Variants in PRDM6 observed in about 807,000 individuals in gnomAD.
PRDM6 encodes PR/SET domain 6.
In PRDM6, 25 loss-of-function variants were observed where a neutral mutation model predicts 60.8. The ratio of observed to expected loss-of-function variants is 0.41; its 90% CI spans 0.30 to 0.57. The LOEUF (loss-of-function observed/expected upper bound fraction) is 0.57. PRDM6 is among the 20% of genes least tolerant of loss of function. The probability of loss-of-function intolerance (pLI) is 0.27; values close to 1 mark genes in which losing one functional copy is unlikely to be tolerated. For synonymous variants in PRDM6, 407 were observed against 357.4 expected (o/e 1.14, Z -1.57); for missense variants, 839 against 821.3 (o/e 1.02, Z -0.26).
At chr5:123,134,747 CAG>C (rs1167586138) in intron 3 of PRDM6, among the ~76,000 whole-genome samples, 2 of 152,134 alleles carry the variant, frequency 1.3e-5, no homozygotes, top group African/African-American at 2.4e-5. Context: ...TTCTGCTAAA[CAG>C]TGTGTGGTTT....
At chr5:123,154,996 A>C (rs1765460002) in intron 3 of PRDM6, among the ~76,000 whole-genome samples, 1 of 152,116 alleles carries the variant, frequency 6.6e-6, no homozygotes, top group Non-Finnish European at 1.5e-5. Flanking sequence ...AAGTGCCCTG[A>C]ATCTGAAGTC....
chr5:123,150,412 G>A (rs529577096), intron 3 of PRDM6, among the ~76,000 whole-genome samples: 45 of 152,104 alleles, frequency 3.0e-4, no homozygotes, highest in Non-Finnish European at 4.0e-4. Context: ...AACAACCACC[G>A]TTCACCTTTT....
At chr5:123,178,412 T>A (rs1039412336) in intron 6 of PRDM6, among the ~76,000 whole-genome samples, 22 of 152,230 alleles carry the variant, frequency 1.4e-4, no homozygotes, top group Admixed American at 1.2e-3. Flanking sequence ...GAATTATTTT[T>A]TCAGGAACCC....
intron 2 of PRDM6, among the ~76,000 whole-genome samples, chr5:123,097,665 AGTGT>A (rs1190374208): frequency 6.6e-6 from 1 of 152,088 alleles, no homozygotes; most frequent in Non-Finnish European, 1.5e-5. Context: ...GGGTGTGTGA[AGTGT>A]GTGTGTTTCA....
At chr5:123,179,315 G>A (rs1766088348) in intron 6 of PRDM6, among the ~76,000 whole-genome samples, 1 of 152,192 alleles carries the variant, frequency 6.6e-6, no homozygotes, top group Non-Finnish European at 1.5e-5. Flanking sequence ...CAAGCACAAT[G>A]ACATCCTATC....
chr5:123,181,636 G>A (rs539599146), intron 7 of PRDM6, among the ~76,000 whole-genome samples: 4 of 152,222 alleles, frequency 2.6e-5, no homozygotes, highest in South Asian at 2.1e-4. Flanking sequence ...TAGAGTTACC[G>A]CCTTATGTAC....
At chr5:123,112,398 A>T (rs1302493993) in intron 3 of PRDM6, among the ~76,000 whole-genome samples, 1 of 152,126 alleles carries the variant, frequency 6.6e-6, no homozygotes, top group Non-Finnish European at 1.5e-5. Flanking sequence ...GCAGTCTGTT[A>T]ATTTTCCATA....
At position 123,188,446 on chromosome 5, in the gene PRDM6, C is replaced by G. The variant is rs961438690; in HGVS notation, c.*1245C>G. On this transcript the variant is annotated 3_prime_UTR_variant, in exon 8 of 8. Transcript: ENST00000407847. Reference sequence around the variant, plus strand: ...AGAATGTGAGTTTAATTTCAGCTAGCCTGTTGGTGGTTCAACAGTGGTGCT... The same window carrying G: ...AGAATGTGAGTTTAATTTCAGCTAGGCTGTTGGTGGTTCAACAGTGGTGCT... 6.6e-6 allele frequency: 1 copy of G among 152,208 alleles called. No individual in the cohort carries two copies. Among genetic ancestry groups the G allele is most frequent in the Non-Finnish European group, 1.5e-5 (1 of 68,036 alleles). 9.4% of individuals were successfully genotyped at this position (152,208 alleles called of 1,614,324 possible). A position where few individuals can be genotyped will look rare whatever the true frequency, so the allele number is the denominator to read the frequency against.
intron 2 of PRDM6, among the ~76,000 whole-genome samples, chr5:123,091,174 A>G (rs1296703394): frequency 6.6e-6 from 1 of 152,106 alleles, no homozygotes; most frequent in Non-Finnish European, 1.5e-5. Flanking sequence ...GGAATTTTAG[A>G]TGAAACTGAG....
At chr5:123,106,465 AG>A (rs1764199615) in intron 3 of PRDM6, among the ~76,000 whole-genome samples, 1 of 152,168 alleles carries the variant, frequency 6.6e-6, no homozygotes. Flanking sequence ...AGAGAGAGAG[AG>A]GAAAACTGTT....
At chr5:123,111,593 G>A (rs1256321435) in intron 3 of PRDM6, among the ~76,000 whole-genome samples, 1 of 152,078 alleles carries the variant, frequency 6.6e-6, no homozygotes, top group Non-Finnish European at 1.5e-5. Context: ...AGCTACTCGG[G>A]AGCCTGAGGC....
In PRDM6 at chr5:123,187,309, A is replaced by G; in HGVS notation, c.*108A>G. 1.3e-6 allele frequency: 1 copy of G among 761,478 alleles called. No individual in the cohort carries two copies. 47.2% of individuals were successfully genotyped at this position (761,478 alleles called of 1,614,324 possible). A position where few individuals can be genotyped will look rare whatever the true frequency, so the allele number is the denominator to read the frequency against. On this transcript the variant is annotated 3_prime_UTR_variant, in exon 8 of 8. Transcript: ENST00000407847. Reference sequence around the variant, plus strand: ...TGAGCAACTTTCAATCAGTCCCAGAAAACCAAAAGCAGTAATAAAATAAGT... The same window carrying G: ...TGAGCAACTTTCAATCAGTCCCAGAGAACCAAAAGCAGTAATAAAATAAGT...
At chr5:123,122,052 A>G (rs1764593167) in intron 3 of PRDM6, among the ~76,000 whole-genome samples, 1 of 150,054 alleles carries the variant, frequency 6.7e-6, no homozygotes, top group Non-Finnish European at 1.5e-5. Context: ...AATCCCAGCT[A>G]CTAGGGAGGC....
At position 123,090,349 on chromosome 5, in the gene PRDM6, C is replaced by A. The variant is rs1181326639; in HGVS notation, c.335C>A (p.Pro112Gln). The part of the protein sequence containing the change: ...AAALAGLSAL[P>Q]VSQLPVFAPL... ...GCGCTGGCTGGTCTCTCGGCCCTGC[C>A]GGTGTCGCAGCTGCCGGTGTTCGCG... Residue 112 changes from proline to glutamine, a missense_variant, in exon 2 of 8, where the codon CCG becomes CAG. Coordinates refer to ENST00000407847, the MANE Select transcript of PRDM6 (RefSeq NM_001136239.4). 8.8e-6 allele frequency: 13 copies of A among 1,474,416 alleles called. No homozygotes were observed. The highest frequency in any genetic ancestry group is 9.8e-6 in the Non-Finnish European group (11 of 1,117,486). The allele number at this position is 1,474,416 out of a possible 1,614,324, so 91.3% of individuals were successfully genotyped here.
intron 4 of PRDM6, 66 bp from the exon 5 acceptor site, chr5:123,159,448 A>G (rs897995330): frequency 7.3e-6 from 11 of 1,513,070 alleles, no homozygotes; most frequent in East Asian, 4.9e-5. Flanking sequence ...CAGGGCAATA[A>G]AAATATGGAT....
At chr5:123,158,092 G>A (rs749891040) in intron 4 of PRDM6, among the ~76,000 whole-genome samples, 13 of 152,282 alleles carry the variant, frequency 8.5e-5, no homozygotes, top group Non-Finnish European at 1.9e-4. Flanking sequence ...CGGCCTATTC[G>A]GTGCCTCAGA....
intron 3 of PRDM6, among the ~76,000 whole-genome samples, chr5:123,147,096 A>T (rs535887377): frequency 1.6e-4 from 24 of 152,300 alleles, no homozygotes; most frequent in African/African-American, 5.1e-4. Context: ...ACTATATACA[A>T]AATAAGTTTT....
rs1361925128 is a variant in PRDM6 at position 123,189,806 on chromosome 5, A to G, written c.*2605A>G. ...ACCAGCCTAGGCTGTCTGTCCACAA[A>G]GACAGGCTTACACCTGGACATTGAC... On this transcript the variant is annotated 3_prime_UTR_variant, in exon 8 of 8. Coordinates refer to ENST00000407847, the MANE Select transcript of PRDM6 (RefSeq NM_001136239.4). 6.6e-6 allele frequency: 1 copy of G among 152,198 alleles called. No individual in the cohort carries two copies. Among genetic ancestry groups the G allele is most frequent in the Non-Finnish European group, 1.5e-5 (1 of 68,036 alleles). The allele number at this position is 152,198 out of a possible 1,614,324, so 9.4% of individuals were successfully genotyped here.
chr5:123,161,280 T>A (rs1172579561), intron 5 of PRDM6, among the ~76,000 whole-genome samples: 1 of 152,232 alleles, frequency 6.6e-6, no homozygotes, highest in African/African-American at 2.4e-5. Context: ...TGAGCCAGTG[T>A]CTTTGCTGGG....
Sources: allele counts gnomAD v4.1 joint callset (sites outside exome capture counted in the v4.1 genomes callset), GRCh38; gene constraint gnomAD v4.1.1; transcripts MANE v1.5; gene names NCBI Gene and HGNC (gene_info 2026-07-23, HGNC 2026-07-21).